SLC4A8: variants seen among roughly 807,000 people sequenced by gnomAD.
SLC4A8 encodes electroneutral sodium bicarbonate exchanger 1.
Under a neutral mutation model 125.0 loss-of-function variants are expected in SLC4A8, and 40 were observed. That is an observed-to-expected ratio of 0.32 (90% confidence interval 0.25 to 0.42). The LOEUF is 0.42. SLC4A8 is among the 10% of genes least tolerant of loss of function. The pLI is 1.00. For synonymous variants in SLC4A8, 456 were observed against 476.0 expected, an observed-to-expected ratio of 0.96 and a Z score of 0.55; for missense variants, 863 against 1,355.1, an observed-to-expected ratio of 0.64 and a Z score of 5.70.
At chr12:51,392,579 A>G (rs1210175851) in intron 1 of SLC4A8, among the ~76,000 whole-genome samples, 2 of 151,014 alleles carry the variant, frequency 1.3e-5, no homozygotes, top group Admixed American at 1.3e-4. Flanking sequence ...ATCAAAAAAA[A>G]AAAAAAAGAA....
chr12:51,392,409 T>C (rs1033360406), intron 1 of SLC4A8, among the ~76,000 whole-genome samples: 3 of 151,230 alleles, frequency 2.0e-5, no homozygotes, highest in African/African-American at 7.3e-5. Flanking sequence ...CCGTCTCTAC[T>C]AAAAATACAA....
At chr12:51,429,295 T>G (rs1323802816) in intron 1 of SLC4A8, among the ~76,000 whole-genome samples, 1 of 152,208 alleles carries the variant, frequency 6.6e-6, no homozygotes, top group Non-Finnish European at 1.5e-5. Flanking sequence ...GGATGTGCCC[T>G]TAATCACTGT....
At chr12:51,470,612 C>G in intron 13 of SLC4A8, 87 bp downstream of exon 13, 2 of 1,210,290 alleles carry the variant, frequency 1.7e-6, no homozygotes, top group Non-Finnish European at 2.4e-6. Flanking sequence ...TCAGTACAGA[C>G]AGGCAATATC....
At chr12:51,432,112 G>C (rs1468912474) in intron 1 of SLC4A8, among the ~76,000 whole-genome samples, 1 of 152,120 alleles carries the variant, frequency 6.6e-6, no homozygotes, top group Non-Finnish European at 1.5e-5. Context: ...TTGCTGATTA[G>C]AAACCTTGGA....
chr12:51,483,029 T>G lies in SLC4A8; in HGVS notation c.2173-2758T>G, dbSNP rs544138664. Among the ~76,000 whole-genome samples the G allele has an allele frequency of 1.6e-4, 24 of 152,230 alleles. No homozygotes were observed. The South Asian group carries it at 5.0e-3, about 32-fold the overall frequency. Reference sequence around the variant, plus strand: ...AGGGAGCCAAGCATATTTGTCTCATTTTAGGCATCATTCTTTTGTGGTTCC... The same window carrying G: ...AGGGAGCCAAGCATATTTGTCTCATGTTAGGCATCATTCTTTTGTGGTTCC... On this transcript the variant is annotated intron_variant, in intron 16 of 24. Transcript: ENST00000453097.
intron 1 of SLC4A8, among the ~76,000 whole-genome samples, chr12:51,418,709 T>G (rs976411337): frequency 2.0e-5 from 3 of 152,238 alleles, no homozygotes; most frequent in Admixed American, 6.5e-5. Context: ...TCTATCTCTA[T>G]TCCTTTTTGC....
chr12:51,486,557 TG>T (rs1951167594), intron 17 of SLC4A8, among the ~76,000 whole-genome samples: 1 of 152,234 alleles, frequency 6.6e-6, no homozygotes, highest in East Asian at 1.9e-4. Flanking sequence ...GATTTCAGTT[TG>T]GGAGCACTGA....
chr12:51,475,152 C>T lies in SLC4A8; in HGVS notation c.2118C>T (p.Phe706=), dbSNP rs1224950248. ...CCTGTATTCTCTTTTTCACCACCTT[C>T]ATCCTCTCAAGCACCTTAAAGACGT... The part of the protein sequence containing the change: ...FWSCILFFTT[F]ILSSTLKTFK... The change falls in exon 16 of 25, where the codon TTC becomes TTT. Residue 706 remains phenylalanine, a synonymous_variant. Transcript: ENST00000453097. 3 of 1,614,188 alleles carry T rather than the reference C, an allele frequency of 1.9e-6. No homozygotes were observed. The highest frequency in any genetic ancestry group is 2.2e-5 in the East Asian group (1 of 44,886).
chr12:51,479,997 G>C, intron 16 of SLC4A8: 1 of 353,118 alleles, frequency 2.8e-6, no homozygotes, highest in Non-Finnish European at 5.4e-6. Flanking sequence ...TTCAGATGGA[G>C]TCTTGCTCTG....
intron 1 of SLC4A8, among the ~76,000 whole-genome samples, chr12:51,402,061 T>C (rs4761811): frequency 0.31 from 47,557 of 152,118 alleles, 7,564 homozygotes; most frequent in African/African-American, 0.36. Context: ...AGCCACAGTG[T>C]CTGGCCCCTT....
In SLC4A8 at chr12:51,499,567, C is replaced by T. The variant is rs1006916579; in HGVS notation, c.3081+2443C>T. Among the ~76,000 whole-genome samples, 4 of 150,718 alleles carry T rather than the reference C, an allele frequency of 2.7e-5. No individual in the cohort carries two copies. The East Asian group carries it at 5.9e-4, about 22-fold the overall frequency. ...GGAGCTTACATTCTCTTGGAGGAGA[C>T]ACTGTCAACAAGCAAACAAGTCTAT... On this transcript the variant is annotated intron_variant, in intron 22 of 24. Transcript: ENST00000453097.
At chr12:51,475,298 C>G in intron 16 of SLC4A8, 92 bp downstream of exon 16, 1 of 1,291,406 alleles carries the variant, frequency 7.7e-7, no homozygotes, top group Non-Finnish European at 1.1e-6. Context: ...GGTTGATTGG[C>G]CAGGTGGAGA....
intron 1 of SLC4A8, among the ~76,000 whole-genome samples, chr12:51,418,552 G>A (rs1948728771): frequency 1.3e-5 from 2 of 152,032 alleles, no homozygotes; most frequent in African/African-American, 4.8e-5. Context: ...TCTGGTTTTT[G>A]GTAAATCTAG....
intron 22 of SLC4A8, among the ~76,000 whole-genome samples, chr12:51,503,180 G>A (rs930118639): frequency 3.3e-5 from 5 of 150,404 alleles, no homozygotes; most frequent in African/African-American, 1.2e-4. Flanking sequence ...AGTTCTCTTC[G>A]TAGAGATCTT....
At chr12:51,468,631 G>T (rs1298561544) in intron 11 of SLC4A8, among the ~76,000 whole-genome samples, 10 of 152,222 alleles carry the variant, frequency 6.6e-5, no homozygotes, top group African/African-American at 2.4e-4. Flanking sequence ...ATGGTGGCAG[G>T]TGCCTGCAGT....
rs148557785 is a variant in SLC4A8, at chr12:51,435,167, G to A, written c.49-5541G>A. ...TTTATTTGGTAAGATTACCTCATGGGTGGTGATATGGTCTCCCATTAGGAG... is the reference window on the plus strand; with the variant it reads ...TTTATTTGGTAAGATTACCTCATGGATGGTGATATGGTCTCCCATTAGGAG... On this transcript the variant is annotated intron_variant, in intron 1 of 24. Coordinates refer to ENST00000453097, the MANE Select transcript of SLC4A8 (RefSeq NM_001039960.3). 1.7e-3 allele frequency among the ~76,000 whole-genome samples: 264 copies of A among 152,296 alleles called. 2 individuals carry two copies. Among genetic ancestry groups the A allele is most frequent in the African/African-American group, 6.0e-3 (251 of 41,562 alleles).
At chr12:51,494,872 A>G in intron 20 of SLC4A8, 73 bp from the exon 21 acceptor site, 1 of 1,192,068 alleles carries the variant, frequency 8.4e-7, no homozygotes, top group Non-Finnish European at 1.2e-6. Flanking sequence ...AATGTAAGAG[A>G]TATGAATTGG....
At chr12:51,420,469 A>G (rs1212091005), upstream of SLC4A8, among the ~76,000 whole-genome samples, 1 of 152,200 alleles carries the variant, frequency 6.6e-6, no homozygotes, top group Non-Finnish European at 1.5e-5. Context: ...AAGAATCTCA[A>G]TGTCTTTCAG....
intron 1 of SLC4A8, among the ~76,000 whole-genome samples, chr12:51,440,444 C>G (rs773459170): frequency 2.0e-5 from 3 of 151,334 alleles, no homozygotes; most frequent in Admixed American, 6.6e-5. Flanking sequence ...TAGGCTCAGT[C>G]CTAGCTCCGC....
Sources: allele counts gnomAD v4.1 joint callset (sites outside exome capture counted in the v4.1 genomes callset), GRCh38; gene constraint gnomAD v4.1.1; transcripts MANE v1.5; gene names NCBI Gene and HGNC (gene_info 2026-07-23, HGNC 2026-07-21).